The following TRMT44 variants were observed in gnomAD, a reference collection of about 807,000 sequenced individuals.
The protein encoded by TRMT44 is probable tRNA (uracil-O(2)-)-methyltransferase.
A neutral mutation model predicts 77.3 loss-of-function variants in TRMT44; 78 were observed. That is an observed-to-expected ratio of 1.01 (90% CI 0.84 to 1.22). The LOEUF is 1.22. Ranked by LOEUF, TRMT44 falls within the 50% of genes most tolerant of loss-of-function variation. The pLI, the probability that TRMT44 is intolerant of heterozygous loss-of-function variation, is 0.00. For synonymous variants in TRMT44, 391 were observed against 383.3 expected (o/e 1.02, Z -0.23); for missense variants, 1,090 against 964.4 (o/e 1.13, Z -1.73).
the TRMT44 span, among the ~76,000 whole-genome samples, chr4:8,508,555 G>A: frequency 0.11 from 17,093 of 152,242 alleles, 1,101 homozygotes; most frequent in South Asian, 0.2. Flanking sequence ...GCAGACATTC[G>A]GAAGTGTCCG....
chr4:8,508,021 C>G, the TRMT44 span, among the ~76,000 whole-genome samples: 3 of 152,244 alleles, frequency 2.0e-5, no homozygotes, highest in Non-Finnish European at 1.5e-5. Context: ...ATTCTCCTGC[C>G]TCAGCCTCCC....
downstream of TRMT44, chr4:8,477,777 C>G (rs563388260): frequency 6.5e-6 from 1 of 152,748 alleles, no homozygotes; most frequent in South Asian, 2.1e-4. Context: ...CTCGGCCCCC[C>G]AGTCCTGCAG....
intron 6 of TRMT44, among the ~76,000 whole-genome samples, chr4:8,458,653 C>T (rs1188764112): frequency 6.6e-6 from 1 of 151,660 alleles, no homozygotes; most frequent in East Asian, 1.9e-4. Context: ...TGGGGTTTCA[C>T]CATGTTGGCC....
At chr4:8,448,976 C>A (rs1579040405) in intron 2 of TRMT44, among the ~76,000 whole-genome samples, 1 of 152,248 alleles carries the variant, frequency 6.6e-6, no homozygotes, top group African/African-American at 2.4e-5. Flanking sequence ...TTAATGCCCT[C>A]CCCTTCCCTG....
downstream of TRMT44, among the ~76,000 whole-genome samples, chr4:8,494,305 T>C (rs1323260325): frequency 5.3e-5 from 8 of 152,134 alleles, 1 homozygote; most frequent in East Asian, 1.5e-3. Flanking sequence ...GTGTTAAATT[T>C]CACCCTCACA....
the TRMT44 span, among the ~76,000 whole-genome samples, chr4:8,513,284 G>A: frequency 6.6e-6 from 1 of 152,210 alleles, no homozygotes; most frequent in Non-Finnish European, 1.5e-5. Flanking sequence ...ATGGCTGGCA[G>A]CAGGCAAAAA....
At position 8,460,700 on chromosome 4, in the gene TRMT44, C is replaced by T. The variant is rs545975629; in HGVS notation, c.1204-3285C>T. Among the ~76,000 whole-genome samples the T allele has an allele frequency of 5.3e-5, 8 of 152,026 alleles. No homozygotes were observed. The South Asian group carries it at 8.3e-4, about 16-fold the overall frequency. On this transcript the variant is annotated intron_variant, in intron 6 of 10. Transcript: ENST00000389737. Reference sequence around the variant, plus strand: ...TCCCGGGTAGCTAGGACCACAGGCGCGCACCACCACTACGCCTGACTAATT... The same window carrying T: ...TCCCGGGTAGCTAGGACCACAGGCGTGCACCACCACTACGCCTGACTAATT...
At chr4:8,504,503 C>A in the TRMT44 span, among the ~76,000 whole-genome samples, 1 of 152,140 alleles carries the variant, frequency 6.6e-6, no homozygotes, top group Admixed American at 6.5e-5. This position sits in a 1 kb window ranked among gnomAD's most constrained non-coding sequence, Gnocchi z 5.3. Flanking sequence ...TGACCCCCAG[C>A]GTGTACGGAG....
chr4:8,467,927 G>A lies in TRMT44; in HGVS notation c.1508G>A (p.Gly503Glu). The A allele has an allele frequency of 1.2e-6, 2 of 1,601,844 alleles. No individual in the cohort carries two copies. Among genetic ancestry groups the A allele is most frequent in the Middle Eastern group, 1.7e-4 (1 of 6,006 alleles). The change falls in exon 9 of 11, where the codon GGA becomes GAA. Residue 503 changes from glycine to glutamate, a missense_variant. Transcript: ENST00000389737. ...CTTCAAACGCAGGTCTGTCTCGTTG[G>A]AAAATCCAGAACATACCCTTCCTCC... Reference protein sequence around the residue: ...IPSTKRVCLVGKSRTYPSSRE... With the variant: ...IPSTKRVCLVEKSRTYPSSRE...
intron 10 of TRMT44, among the ~76,000 whole-genome samples, chr4:8,474,809 C>T (rs529500751): frequency 5.9e-5 from 9 of 152,144 alleles, no homozygotes; most frequent in East Asian, 1.9e-4. Context: ...CAAATGGGAG[C>T]GTAGGGGGGT....
chr4:8,499,753 C>G, the TRMT44 span, among the ~76,000 whole-genome samples: 1 of 152,066 alleles, frequency 6.6e-6, no homozygotes, highest in Non-Finnish European at 1.5e-5. Context: ...ACATGGGGAC[C>G]TACTTGAGGG....
chr4:8,452,046 C>A lies in TRMT44; in HGVS notation c.1023+18C>A. On this transcript the variant is annotated intron_variant, in intron 4 of 10. Transcript: ENST00000389737. This position sits in a 1 kb window ranked among gnomAD's most constrained non-coding sequence, Gnocchi z 5.7. ...ACCTGCTGGTAAGGGTGTAAGCGAC[C>A]TCAGCTTCTCTGGAGTGGGTGGAGT... 6.5e-7 allele frequency: 1 copy of A among 1,535,074 alleles called. No individual in the cohort carries two copies. The highest frequency in any genetic ancestry group is 1.2e-5 in the South Asian group (1 of 84,028).
chr4:8,479,446 G>A (rs935924694), downstream of TRMT44: 1 of 152,100 alleles, frequency 6.6e-6, no homozygotes, highest in African/African-American at 2.4e-5. Context: ...CCCAGGCTGT[G>A]GGGGACGGGA....
At chr4:8,480,062 C>G (rs1042246146), downstream of TRMT44, among the ~76,000 whole-genome samples, 1 of 152,040 alleles carries the variant, frequency 6.6e-6, no homozygotes, top group Non-Finnish European at 1.5e-5. Flanking sequence ...TCTTGAACTC[C>G]TGGACTGAAG....
At chr4:8,472,130 C>T (rs1243629475) in intron 10 of TRMT44, among the ~76,000 whole-genome samples, 1 of 152,224 alleles carries the variant, frequency 6.6e-6, no homozygotes, top group Admixed American at 6.5e-5. Context: ...TCTTGTGTCA[C>T]CACCATGCCC....
At position 8,471,109 on chromosome 4, in the gene TRMT44, C is replaced by T; in HGVS notation, c.1953C>T (p.Ala651=). Residue 651 remains alanine, a synonymous_variant, in exon 10 of 11, where the codon GCC becomes GCT. Coordinates refer to ENST00000389737, the MANE Select transcript of TRMT44 (RefSeq NM_152544.3). ...GGESLSLAEV[A]NELDTETLRR... ...AGAGCCTATCTCTGGCAGAAGTAGC[C>T]AACGAGCTGGACACGGAGACCCTGC... The T allele has an allele frequency of 6.2e-7, 1 of 1,603,714 alleles. No homozygotes were observed. The highest frequency in any genetic ancestry group is 8.5e-7 in the Non-Finnish European group (1 of 1,175,798).
At chr4:8,442,112 C>G (rs1266499639) in intron 1 of TRMT44, among the ~76,000 whole-genome samples, 2 of 152,188 alleles carry the variant, frequency 1.3e-5, no homozygotes, top group Non-Finnish European at 2.9e-5. Flanking sequence ...GTGTCTTTCT[C>G]CTTGAACACA....
At chr4:8,467,829 T>A in intron 8 of TRMT44, 85 bp from the exon 9 acceptor site, 2 of 1,395,018 alleles carry the variant, frequency 1.4e-6, no homozygotes, top group South Asian at 2.8e-5. Context: ...ACTTGTGATT[T>A]GTACTCCAGG....
chr4:8,501,033 G>A, the TRMT44 span, among the ~76,000 whole-genome samples: 3 of 152,222 alleles, frequency 2.0e-5, no homozygotes, highest in African/African-American at 7.2e-5. The surrounding 1 kb of genome is among the most constrained non-coding windows in gnomAD (Gnocchi z 4.4). Flanking sequence ...CGCTTGGGAA[G>A]CACTGTATGA....
Sources: gnomAD v4.1 joint callset for allele counts (sites outside exome capture counted in the v4.1 genomes callset) on GRCh38, gnomAD v4.1.1 for gene constraint, Gnocchi (gnomAD v3.1) non-coding constraint, MANE v1.5 for transcripts, NCBI Gene and HGNC (gene_info 2026-07-23, HGNC 2026-07-21) for gene names.